Variants in SLIT3 observed in about 807,000 individuals in gnomAD.
The protein encoded by SLIT3 is slit homolog 3 protein.
In SLIT3, 68 loss-of-function variants were observed where a neutral mutation model predicts 184.0. That is an observed-to-expected ratio of 0.37 (90% CI 0.30 to 0.45). The LOEUF is 0.45. SLIT3 is among the 20% of genes least tolerant of loss of function. SLIT3 has a pLI of 1.00. For missense variants in SLIT3, 1,707 were observed against 2,026.0 expected, an observed-to-expected ratio of 0.84 and a Z score of 3.02; for synonymous variants, 831 against 828.6, an observed-to-expected ratio of 1.00 and a Z score of -0.05.
intron 14 of SLIT3, among the ~76,000 whole-genome samples, chr5:168,771,372 T>C (rs888715529): frequency 1.3e-5 from 2 of 152,134 alleles, no homozygotes; most frequent in African/African-American, 4.8e-5. Flanking sequence ...CAAATATTCC[T>C]TCTCTCCCAG....
At chr5:169,275,805 G>A (rs374160731) in intron 1 of SLIT3, among the ~76,000 whole-genome samples, 5 of 152,304 alleles carry the variant, frequency 3.3e-5, no homozygotes, top group Admixed American at 2.0e-4. Flanking sequence ...TACAATTGAA[G>A]TTGAGATTTG....
intron 1 of SLIT3, among the ~76,000 whole-genome samples, chr5:169,299,842 A>G (rs1290192431): frequency 6.6e-6 from 1 of 152,102 alleles, no homozygotes; most frequent in African/African-American, 2.4e-5. Flanking sequence ...GGCTGTCAGC[A>G]TTTCCATTCT....
rs1401467901 is a variant in SLIT3, at chr5:168,662,080, G to C, written c.*4374C>G. On this transcript the variant is annotated 3_prime_UTR_variant, in exon 36 of 36. Transcript: ENST00000519560. ...CCCACAAAACCACACTATGCCCTCT[G>C]CTTCCCCATCATGTGGGGACCATCT... 1 of 152,200 alleles carries C rather than the reference G, an allele frequency of 6.6e-6. No homozygotes were observed. The highest frequency in any genetic ancestry group is 1.5e-5 in the Non-Finnish European group (1 of 68,050). 9.4% of individuals were successfully genotyped at this position (152,200 alleles called of 1,614,324 possible). A position where few individuals can be genotyped will look rare whatever the true frequency, so the allele number is the denominator to read the frequency against.
intron 3 of SLIT3, among the ~76,000 whole-genome samples, chr5:169,227,274 A>G (rs192921587): frequency 4.6e-5 from 7 of 152,334 alleles, no homozygotes; most frequent in African/African-American, 1.2e-4. Flanking sequence ...CTTAAATCTG[A>G]TAATCAGGAT....
chr5:169,004,313 G>A (rs1449690753), intron 4 of SLIT3, among the ~76,000 whole-genome samples: 1 of 152,202 alleles, frequency 6.6e-6, no homozygotes, highest in Non-Finnish European at 1.5e-5. Context: ...CAGGTAGGGG[G>A]AACTGGCTGC....
chr5:169,203,730 G>C (rs1240965650), intron 3 of SLIT3, among the ~76,000 whole-genome samples: 2 of 152,154 alleles, frequency 1.3e-5, no homozygotes, highest in African/African-American at 4.8e-5. Context: ...TTTGAGGGTA[G>C]AGCAGACAGG....
chr5:168,919,013 T>C (rs1761537830), intron 4 of SLIT3, among the ~76,000 whole-genome samples: 1 of 152,072 alleles, frequency 6.6e-6, no homozygotes, highest in Admixed American at 6.6e-5. Flanking sequence ...ACACATAGGA[T>C]ACTTTGGGAG....
At chr5:168,725,333 A>T (rs1251205576) in intron 20 of SLIT3, among the ~76,000 whole-genome samples, 3 of 152,262 alleles carry the variant, frequency 2.0e-5, no homozygotes, top group Non-Finnish European at 4.4e-5. Context: ...ATCATGAATT[A>T]CAAAGGTTAT....
intron 6 of SLIT3, among the ~76,000 whole-genome samples, chr5:168,827,736 G>A (rs1206994017): frequency 6.6e-6 from 1 of 152,158 alleles, no homozygotes; most frequent in Non-Finnish European, 1.5e-5. Context: ...TACTGAGGCA[G>A]GACAAGGGCT....
intron 4 of SLIT3, among the ~76,000 whole-genome samples, chr5:169,011,412 A>G (rs1756147593): frequency 6.6e-6 from 1 of 152,186 alleles, no homozygotes; most frequent in Admixed American, 6.5e-5. Flanking sequence ...GCTTTGGTTT[A>G]TCATCTTCCA....
intron 32 of SLIT3, among the ~76,000 whole-genome samples, chr5:168,679,897 C>T (rs1324096141): frequency 2.0e-5 from 3 of 152,176 alleles, no homozygotes; most frequent in Admixed American, 6.5e-5. Flanking sequence ...GAGTGAGGAT[C>T]CAATGAGACA....
chr5:168,674,102 C>G (rs750366798), intron 32 of SLIT3, among the ~76,000 whole-genome samples: 3 of 152,146 alleles, frequency 2.0e-5, no homozygotes, highest in Non-Finnish European at 4.4e-5. Context: ...CAATAGTTTG[C>G]TATTGTCCCC....
chr5:169,103,233 A>C (rs1760083788), intron 4 of SLIT3, among the ~76,000 whole-genome samples: 1 of 152,230 alleles, frequency 6.6e-6, no homozygotes, highest in Admixed American at 6.5e-5. Flanking sequence ...AAATAGTGAA[A>C]ACTGCTTTTG....
chr5:169,068,843 A>AG (rs1480077194), intron 4 of SLIT3, among the ~76,000 whole-genome samples: 1 of 50,908 alleles, frequency 2.0e-5, no homozygotes, highest in Non-Finnish European at 5.7e-5. Flanking sequence ...TAAAAGCCTC[A>AG]AAAAAAAAAT....
At chr5:168,972,508 C>T (rs554145631) in intron 4 of SLIT3, among the ~76,000 whole-genome samples, 3 of 152,178 alleles carry the variant, frequency 2.0e-5, no homozygotes, top group African/African-American at 7.2e-5. Context: ...ATGCTTGAAT[C>T]TCAGTTTCCC....
chr5:169,204,034 G>T (rs1193362212), intron 3 of SLIT3, among the ~76,000 whole-genome samples: 5 of 152,142 alleles, frequency 3.3e-5, no homozygotes, highest in African/African-American at 1.2e-4. Context: ...CTTGGATGTG[G>T]TTACCGTGGG....
intron 4 of SLIT3, among the ~76,000 whole-genome samples, chr5:168,987,863 G>A (rs937950546): frequency 2.6e-5 from 4 of 152,230 alleles, no homozygotes; most frequent in Non-Finnish European, 5.9e-5. Flanking sequence ...TGTTAGGTAG[G>A]TGGGGGGACT....
chr5:169,228,281 A>T (rs1255747969), intron 3 of SLIT3, among the ~76,000 whole-genome samples: 1 of 152,104 alleles, frequency 6.6e-6, no homozygotes, highest in Non-Finnish European at 1.5e-5. Context: ...TATTGGGGAG[A>T]GAACCTGAGG....
chr5:168,833,393 G>A (rs1270209821), intron 6 of SLIT3, among the ~76,000 whole-genome samples: 1 of 152,172 alleles, frequency 6.6e-6, no homozygotes, highest in African/African-American at 2.4e-5. Context: ...GGCTAACTGG[G>A]CTCAGCAATG....
Sources: allele counts gnomAD v4.1 joint callset (sites outside exome capture counted in the v4.1 genomes callset), GRCh38; gene constraint gnomAD v4.1.1; transcripts MANE v1.5; gene names NCBI Gene and HGNC (gene_info 2026-07-23, HGNC 2026-07-21).